TSPAN19: variants seen among roughly 807,000 people sequenced by gnomAD.
The protein encoded by TSPAN19 is tetraspanin 19, also known as tetraspanin-19.
In TSPAN19, 44 loss-of-function variants were observed where a neutral mutation model predicts 35.1. That is an observed-to-expected ratio of 1.25 (90% CI 0.98 to 1.61). The LOEUF (loss-of-function observed/expected upper bound fraction) is 1.61. TSPAN19 is among the 40% of genes most tolerant of loss of function. TSPAN19 has a pLI of 0.00. For synonymous variants in TSPAN19, 79 were observed against 92.0 expected, an observed-to-expected ratio of 0.86 and a Z score of 0.81; for missense variants, 290 against 280.0, an observed-to-expected ratio of 1.04 and a Z score of -0.26.
At chr12:85,017,902 C>T (rs1876905051) in intron 6 of TSPAN19, among the ~76,000 whole-genome samples, 2 of 151,784 alleles carry the variant, frequency 1.3e-5, no homozygotes, top group South Asian at 4.1e-4. Context: ...ATAAATGATG[C>T]TTAGGACCAT....
rs1257481017 is a variant in TSPAN19 at position 85,027,908 on chromosome 12, G to A, written c.255C>T (p.Leu85=). Reference sequence around the variant, plus strand: ...GACATGAAATACGTACCACAATTAGGAGCCATCTGATTTCGTTGTGAATTC... The same window carrying A: ...GACATGAAATACGTACCACAATTAGAAGCCATCTGATTTCGTTGTGAATTC... ...YIGIHNEIRW[L]LIVYAVLITW... is the part of the protein sequence containing the mutation. The change falls in exon 4 of 9, where the codon CTC becomes CTT. Residue 85 remains leucine (L), a synonymous_variant. Coordinates refer to ENST00000532498, the MANE Select transcript of TSPAN19 (RefSeq NM_001100917.2). 1.9e-6 allele frequency: 3 copies of A among 1,573,634 alleles called. No individual in the cohort carries two copies. The highest frequency in any genetic ancestry group is 3.8e-5 in the Admixed American group (2 of 52,704).
intron 1 of TSPAN19, among the ~76,000 whole-genome samples, chr12:85,030,461 G>C (rs1877631899): frequency 1.3e-5 from 2 of 151,890 alleles, no homozygotes; most frequent in Non-Finnish European, 1.5e-5. Context: ...TCCTCACTGA[G>C]GTGTTGGTTT....
At position 85,014,369 on chromosome 12, in the gene TSPAN19, T is replaced by C. The variant is rs1876669289; in HGVS notation, c.*118A>G. ...TTCAGTAATTCAATATTACATATAA[T>C]TAATAATTTGAATACATCTGTTATT... On this transcript the variant is annotated 3_prime_UTR_variant, in exon 9 of 9. Transcript: ENST00000532498. 4 of 622,990 alleles carry C rather than the reference T, an allele frequency of 6.4e-6. No homozygotes were observed. Among genetic ancestry groups the C allele is most frequent in the African/African-American group, 1.9e-5 (1 of 51,592 alleles). The allele number at this position is 622,990 out of a possible 1,614,324, so 38.6% of individuals were successfully genotyped here. A position where few individuals can be genotyped will look rare whatever the true frequency, so the allele number is the denominator to read the frequency against.
chr12:85,027,989 T>C lies in TSPAN19; in HGVS notation c.174A>G (p.Gln58=), dbSNP rs375192768. ...ENNHFIVPIS[Q]ILIGMGSSTV... Reference sequence around the variant, plus strand: ...TAGAAGATCCCATTCCAATCAAAATTTGAGAAATAGGTACTATGAAGTGAT... The same window carrying C: ...TAGAAGATCCCATTCCAATCAAAATCTGAGAAATAGGTACTATGAAGTGAT... Residue 58 remains glutamine, a synonymous_variant, in exon 4 of 9, where the codon CAA becomes CAG. Transcript: ENST00000532498. The C allele has an allele frequency of 1.0e-5, 16 of 1,595,472 alleles. 1 individual carries two copies. Among genetic ancestry groups the C allele is most frequent in the South Asian group, 7.9e-5 (7 of 88,228 alleles).
chr12:85,023,970 T>TA (rs1330534654), intron 4 of TSPAN19, among the ~76,000 whole-genome samples: 3 of 151,678 alleles, frequency 2.0e-5, no homozygotes, highest in East Asian at 1.9e-4. Context: ...GTTGTCCACC[T>TA]AAAAAAAAGG....
At position 85,015,972 on chromosome 12, in the gene TSPAN19, C is replaced by T; in HGVS notation, c.595-1G>A. ...ATGCACTGATTTTATTTTCACAACC[C>T]TAAGAAAAAGAAGTTATTCAGATGG... On this transcript the variant is annotated splice_acceptor_variant, in intron 7 of 8. Transcript: ENST00000532498. LOFTEE classifies it high-confidence loss of function. The T allele has an allele frequency of 6.6e-7, 1 of 1,523,184 alleles. No individual in the cohort carries two copies. Among genetic ancestry groups the T allele is most frequent in the Non-Finnish European group, 8.8e-7 (1 of 1,130,444 alleles). The allele number at this position is 1,523,184 out of a possible 1,614,324, so 94.4% of individuals were successfully genotyped here.
At chr12:85,029,118 G>T (rs1877562959) in intron 3 of TSPAN19, among the ~76,000 whole-genome samples, 1 of 152,042 alleles carries the variant, frequency 6.6e-6, no homozygotes, top group Admixed American at 6.6e-5. Flanking sequence ...CTTCTTCACT[G>T]AAATAAAGCT....
In TSPAN19 at chr12:85,028,063, T is replaced by C. The variant is rs767754230; in HGVS notation, c.140-40A>G. The C allele has an allele frequency of 2.8e-6, 4 of 1,425,064 alleles. No homozygotes were observed. In the South Asian group the frequency reaches 4.1e-5, roughly 14 times the overall value. 88.3% of individuals were successfully genotyped at this position (1,425,064 alleles called of 1,614,324 possible). ...AATTTACTTATTATGAAGTGGTATT[T>C]TATATGAAGTGGTATTTTATTTATT... On this transcript the variant is annotated intron_variant, in intron 3 of 8. Transcript: ENST00000532498.
intron 4 of TSPAN19, among the ~76,000 whole-genome samples, chr12:85,027,252 C>G (rs137988787): frequency 6.6e-6 from 1 of 152,024 alleles, no homozygotes; most frequent in African/African-American, 2.4e-5. Context: ...TATAAGTTAC[C>G]TTTCATGGCA....
At chr12:85,021,337 T>C (rs1373811983) in intron 5 of TSPAN19, among the ~76,000 whole-genome samples, 1 of 152,032 alleles carries the variant, frequency 6.6e-6, no homozygotes, top group Non-Finnish European at 1.5e-5. Context: ...ATAAAAGGCA[T>C]GTAAGCTAAA....
intron 6 of TSPAN19, among the ~76,000 whole-genome samples, chr12:85,018,474 G>C (rs1020829181): frequency 6.6e-6 from 1 of 151,776 alleles, no homozygotes; most frequent in African/African-American, 2.4e-5. Context: ...TAATAGTAGT[G>C]ATATGATAGA....
chr12:85,026,036 A>T (rs1877393887), intron 4 of TSPAN19, among the ~76,000 whole-genome samples: 1 of 152,134 alleles, frequency 6.6e-6, no homozygotes, highest in Non-Finnish European at 1.5e-5. Context: ...AATCTGTCAG[A>T]TCCTATGTTC....
At position 85,026,368 on chromosome 12, in the gene TSPAN19, G is replaced by C. The variant is rs558238657; in HGVS notation, c.264+1531C>G. Among the ~76,000 whole-genome samples the C allele has an allele frequency of 2.1e-3, 314 of 152,202 alleles. 1 individual carries two copies. The highest frequency in any genetic ancestry group is 7.0e-3 in the African/African-American group (289 of 41,536). ...GAGAGAAAGATAAGATTTGAGAAGA[G>C]AGGGTTGGCCTTGGAGGAGAATAAG... is the stretch of plus-strand genomic sequence containing the variant. On this transcript the variant is annotated intron_variant, in intron 4 of 8. Transcript: ENST00000532498.
intron 4 of TSPAN19, among the ~76,000 whole-genome samples, chr12:85,025,351 G>T (rs1168161288): frequency 6.6e-6 from 1 of 152,040 alleles, no homozygotes; most frequent in Non-Finnish European, 1.5e-5. Context: ...GGCCAGGCTG[G>T]TCTCCAACTA....
intron 6 of TSPAN19, among the ~76,000 whole-genome samples, chr12:85,018,497 C>T (rs1381244559): frequency 6.6e-6 from 1 of 151,784 alleles, no homozygotes; most frequent in Admixed American, 6.6e-5. Flanking sequence ...GAATTGTTTC[C>T]TCATCATTTT....
At chr12:85,014,947 G>A (rs1876711985) in intron 8 of TSPAN19, 1 of 155,680 alleles carries the variant, frequency 6.4e-6, no homozygotes, top group Admixed American at 6.5e-5. Context: ...GCTTGTAAAG[G>A]GCAGAAGATA....
At chr12:85,014,655 G>A in intron 8 of TSPAN19, 100 bp from the exon 9 acceptor site, 1 of 820,524 alleles carries the variant, frequency 1.2e-6, no homozygotes, top group Non-Finnish European at 1.9e-6. Context: ...TATTGTAAAG[G>A]GAAAAGGGAT....
chr12:85,032,987 G>A (rs1174059901), intron 1 of TSPAN19, among the ~76,000 whole-genome samples: 1 of 152,046 alleles, frequency 6.6e-6, no homozygotes, highest in African/African-American at 2.4e-5. Context: ...ATTGCTTCTT[G>A]TTATTGTTTT....
rs1362274447 is a variant in TSPAN19, at chr12:85,014,574, A to G, written c.679-19T>C. 1.3e-6 allele frequency: 2 copies of G among 1,550,464 alleles called. No individual in the cohort carries two copies. The highest frequency in any genetic ancestry group is 4.5e-5 in the East Asian group (2 of 44,058). On this transcript the variant is annotated intron_variant, in intron 8 of 8. Coordinates refer to ENST00000532498, the MANE Select transcript of TSPAN19 (RefSeq NM_001100917.2). ...GGAAAACCTGGAAGAAAAGGGAACAATAAGAGATTAAAATTTAATCAATGA... is the reference window on the plus strand; with the variant it reads ...GGAAAACCTGGAAGAAAAGGGAACAGTAAGAGATTAAAATTTAATCAATGA...
Sources: gnomAD v4.1 joint callset for allele counts (sites outside exome capture counted in the v4.1 genomes callset) on GRCh38, gnomAD v4.1.1 for gene constraint, MANE v1.5 for transcripts, NCBI Gene and HGNC (gene_info 2026-07-23, HGNC 2026-07-21) for gene names.